NEB: variants seen among roughly 807,000 people sequenced by gnomAD.
NEB encodes nemaline myopathy type 2.
A neutral mutation model predicts 952.2 loss-of-function variants in NEB; 512 were observed. The ratio of observed to expected loss-of-function variants is 0.54; its 90% CI spans 0.50 to 0.58. NEB has a LOEUF of 0.58. Among genes scored for constraint, NEB ranks in the 20% least tolerant of loss-of-function variants. The pLI is 0.00. For synonymous variants in NEB, 2,900 were observed against 3,149.8 expected (o/e 0.92, Z 2.66); for missense variants, 8,428 against 9,231.1 (o/e 0.91, Z 3.56).
At position 151,492,296 on chromosome 2, in the gene NEB, A is replaced by G. The variant is rs980160984; in HGVS notation, c.24874-15T>C. 1.2e-6 allele frequency: 2 copies of G among 1,606,326 alleles called. No individual in the cohort carries two copies. The highest frequency in any genetic ancestry group is 1.7e-6 in the Non-Finnish European group (2 of 1,175,008). ...TGATATTTCACCTGAAATGTCATGA[A>G]TTTGCTTTATGAAAATATGATGGTG... On this transcript the variant is annotated splice_polypyrimidine_tract_variant and intron_variant, in intron 177 of 181. Transcript: ENST00000397345.
intron 11 of NEB, 36 bp from the exon 12 acceptor site, chr2:151,709,799 G>T: frequency 6.9e-7 from 1 of 1,440,852 alleles, no homozygotes; most frequent in Non-Finnish European, 9.6e-7. Flanking sequence ...AACTGCTGTG[G>T]AAATGAACTA....
rs1337927808 is a variant in NEB, at chr2:151,682,696, T to A, written c.2909A>T (p.Glu970Val). Residue 970 changes from glutamate (E) to valine (V), a missense_variant, in exon 29 of 182, where the codon GAA becomes GTA. Coordinates refer to ENST00000397345, the MANE Select transcript of NEB (RefSeq NM_001164508.2). ...GWVPFGSLEM[E>V]KAKRASDILN... The stretch of plus-strand genomic sequence containing the variant: ...GATGTCTGAAGCTCGCTTTGCCTTT[T>A]CCATTTCTAAGGACCCAAAAGGCAC... 1.9e-6 allele frequency: 3 copies of A among 1,613,158 alleles called. No homozygotes were observed. The highest frequency in any genetic ancestry group is 2.5e-6 in the Non-Finnish European group (3 of 1,179,532).
At position 151,506,995 on chromosome 2, in the gene NEB, G is replaced by T. The variant is rs779114883; in HGVS notation, c.23470C>A (p.Leu7824Ile). Residue 7824 changes from leucine (L) to isoleucine (I), a missense_variant, in exon 163 of 182, where the codon CTT becomes ATT. Around this residue, in one of 11 missense-constraint regions of NEB, gnomAD observed 3,374 missense variants for 3,651.5 expected, o/e 0.92. Coordinates refer to ENST00000397345, the MANE Select transcript of NEB (RefSeq NM_001164508.2). ...NFSLLQYQCD[L>I]KNSKGKITVV... is the part of the protein sequence containing the mutation. ...GTAATTTTTCCTTTACTGTTTTTAA[G>T]GTCACACTGGTATTGGAGCTATGAA... The T allele has an allele frequency of 3.1e-6, 5 of 1,599,154 alleles. No homozygotes were observed. In the Admixed American group the frequency reaches 8.3e-5, roughly 27 times the overall value.
chr2:151,607,209 G>A lies in NEB; in HGVS notation c.12639+295C>T, dbSNP rs1477096727. On this transcript the variant is annotated intron_variant, in intron 83 of 181. Transcript: ENST00000397345. ...TTGAAATGTCAAATGAAAAAGTCCTGGATCAATTAAAAAAACCTAAGATGA... is the reference window on the plus strand; with the variant it reads ...TTGAAATGTCAAATGAAAAAGTCCTAGATCAATTAAAAAAACCTAAGATGA... Among the ~76,000 whole-genome samples, 2 of 102,930 alleles carry A rather than the reference G, an allele frequency of 1.9e-5. 1 individual carries two copies. The highest frequency in any genetic ancestry group is 2.6e-4 in the Admixed American group (2 of 7,686). 67.5% of individuals were successfully genotyped at this position (102,930 alleles called of 152,430 possible).
intron 3 of NEB, among the ~76,000 whole-genome samples, chr2:151,732,204 A>C (rs900960951): frequency 6.6e-5 from 10 of 152,134 alleles, no homozygotes; most frequent in African/African-American, 2.4e-4. Flanking sequence ...ATGTGTTTAG[A>C]TCATCATCAT....
intron 135 of NEB, among the ~76,000 whole-genome samples, chr2:151,541,987 T>C (rs148245892): frequency 1.7e-3 from 253 of 152,344 alleles, no homozygotes; most frequent in Middle Eastern, 3.4e-3. Flanking sequence ...CCAAGTTGCC[T>C]GTGTTTCTTC....
chr2:151,574,609 C>T (rs1056321026), intron 107 of NEB, among the ~76,000 whole-genome samples: 1 of 152,150 alleles, frequency 6.6e-6, no homozygotes, highest in Non-Finnish European at 1.5e-5. Context: ...CTATGGGGCC[C>T]TCTTGGCATT....
intron 55 of NEB, 36 bp downstream of exon 55, chr2:151,646,094 G>T: frequency 7.0e-7 from 1 of 1,437,338 alleles, no homozygotes; most frequent in South Asian, 1.3e-5. Context: ...ATTAAAATGA[G>T]CTTTCTGAAA....
chr2:151,613,722 C>G (rs1300674495), intron 77 of NEB, among the ~76,000 whole-genome samples: 1 of 152,094 alleles, frequency 6.6e-6, no homozygotes, highest in East Asian at 1.9e-4. Context: ...TGAGTGAATT[C>G]TCATGAGATC....
intron 68 of NEB, among the ~76,000 whole-genome samples, chr2:151,628,036 A>T (rs773849457): frequency 2.0e-4 from 31 of 152,288 alleles, no homozygotes; most frequent in Non-Finnish European, 2.9e-5. Context: ...GCGAAGTCTC[A>T]TAAATAGTCT....
In NEB at chr2:151,506,237, A is replaced by G; in HGVS notation, c.23578T>C (p.Ser7860Pro). 6.2e-7 allele frequency: 1 copy of G among 1,613,364 alleles called. No individual in the cohort carries two copies. Among genetic ancestry groups the G allele is most frequent in the Middle Eastern group, 1.6e-4 (1 of 6,062 alleles). ...GTCTTTCCGATAGCCGTTCCTGGTG[A>G]GACATCCTCTTTATATAAAACCTGG... is the stretch of plus-strand genomic sequence containing the variant. ...FSSVLYKEDV[S>P]PGTAIGKTPE... Residue 7860 changes from serine (S) to proline (P), a missense_variant, in exon 164 of 182, where the codon TCA (serine) becomes CCA (proline). Physicochemically the swap from Ser to Pro is moderately conservative, Grantham distance 74. Coordinates refer to ENST00000397345, the MANE Select transcript of NEB (RefSeq NM_001164508.2).
intron 173 of NEB, chr2:151,495,414 C>T (rs2059533749): frequency 1.3e-5 from 2 of 151,694 alleles, no homozygotes; most frequent in Admixed American, 6.6e-5. Context: ...CAGGACCCAG[C>T]AATCTGGCTT....
intron 13 of NEB, among the ~76,000 whole-genome samples, chr2:151,698,635 A>ATTT (rs1269569080): frequency 3.1e-5 from 4 of 130,546 alleles, no homozygotes; most frequent in South Asian, 2.4e-4. Context: ...TACTTCATTA[A>ATTT]TTTTTTTTTT....
chr2:151,669,479 T>C (rs954530418), intron 38 of NEB, among the ~76,000 whole-genome samples: 5 of 152,162 alleles, frequency 3.3e-5, no homozygotes, highest in Non-Finnish European at 7.3e-5. Context: ...AATGGAATCA[T>C]TGTAGCAAAG....
Position 151,696,626 on chromosome 2 carries a change from G to C in NEB, c.1569+11C>G, listed in dbSNP as rs760596601. On this transcript the variant is annotated intron_variant, in intron 17 of 181. Coordinates refer to ENST00000397345, the MANE Select transcript of NEB (RefSeq NM_001164508.2). ...CATAATTGGGTGTCCTGAGTAGTTA[G>C]AGGAACTTACGTCACTCAGTTGTTT... The C allele has an allele frequency of 6.2e-6, 10 of 1,601,804 alleles. No homozygotes were observed. Among genetic ancestry groups the C allele is most frequent in the Non-Finnish European group, 7.7e-6 (9 of 1,168,964 alleles).
At chr2:151,502,452 AT>A (rs2065442522) in intron 167 of NEB, among the ~76,000 whole-genome samples, 1 of 152,154 alleles carries the variant, frequency 6.6e-6, no homozygotes, top group Non-Finnish European at 1.5e-5. Flanking sequence ...ATAAATACAA[AT>A]AAAATTCTAA....
At chr2:151,601,096 C>T in intron 88 of NEB, among the ~76,000 whole-genome samples, 1 of 125,348 alleles carries the variant, frequency 8.0e-6, no homozygotes, top group African/African-American at 3.4e-5. Flanking sequence ...TTTTATTTTA[C>T]TTTTCTTTTC....
rs777795761 is a variant in NEB at position 151,650,707 on chromosome 2, C to T, written c.7094G>A (p.Gly2365Glu). ...TKFSSPVDML[G>E]VVLAKKCQEL... ...CTGACACTTCTTGGCCAGTACCACT[C>T]CCAACATGTCCACTGGGCTGGAGAA... The change falls in exon 53 of 182, where the codon GGA (glycine) becomes GAA (glutamate). Residue 2365 changes from glycine (G) to glutamate (E), a missense_variant. This residue lies in a region of NEB where 1,772 missense variants were observed against 1,960.3 expected (regional missense o/e 0.90). Coordinates refer to ENST00000397345, the MANE Select transcript of NEB (RefSeq NM_001164508.2). 3 of 1,613,946 alleles carry T rather than the reference C, an allele frequency of 1.9e-6. No individual in the cohort carries two copies. The South Asian group carries it at 3.3e-5, about 18-fold the overall frequency.
intron 150 of NEB, among the ~76,000 whole-genome samples, chr2:151,525,633 CCTTT>C (rs772780630): frequency 5.1e-4 from 77 of 152,256 alleles, no homozygotes; most frequent in Non-Finnish European, 4.7e-4. Flanking sequence ...GGTAGTTTTA[CCTTT>C]CTAAAATTGG....
Sources: gnomAD v4.1 joint callset for allele counts (sites outside exome capture counted in the v4.1 genomes callset) on GRCh38, gnomAD v4.1.1 for gene constraint, gnomAD v4.1.1 regional missense constraint, MANE v1.5 for transcripts, NCBI Gene and HGNC (gene_info 2026-07-23, HGNC 2026-07-21) for gene names.